PPM1L: variants seen among roughly 807,000 people sequenced by gnomAD.
PPM1L encodes the protein protein phosphatase 1L.
In PPM1L, 13 loss-of-function variants were observed where a neutral mutation model predicts 31.4. The observed-to-expected ratio is 0.41, with a 90% CI of 0.27 to 0.66. The LOEUF is 0.66. Ranked by LOEUF, PPM1L falls within the 30% of genes least tolerant of loss-of-function variation. The pLI, the probability that PPM1L is intolerant of heterozygous loss-of-function variation, is 0.29. For synonymous variants in PPM1L, 184 were observed against 175.4 expected, an observed-to-expected ratio of 1.05 and a Z score of -0.39; for missense variants, 326 against 453.7, an observed-to-expected ratio of 0.72 and a Z score of 2.56.
chr3:161,037,253 G>T (rs1264548910), intron 2 of PPM1L, among the ~76,000 whole-genome samples: 2 of 152,082 alleles, frequency 1.3e-5, no homozygotes, highest in Non-Finnish European at 2.9e-5. Context: ...TTGCTCCTTT[G>T]CTCTTTGTCT....
At chr3:161,032,346 G>T (rs1211694198) in intron 2 of PPM1L, among the ~76,000 whole-genome samples, 1 of 152,112 alleles carries the variant, frequency 6.6e-6, no homozygotes, top group East Asian at 1.9e-4. Context: ...GTATTACAAG[G>T]GCTGTCTTTA....
At chr3:160,837,663 A>G (rs1231397071) in intron 1 of PPM1L, among the ~76,000 whole-genome samples, 1 of 152,190 alleles carries the variant, frequency 6.6e-6, no homozygotes, top group Non-Finnish European at 1.5e-5. Context: ...AAGAAGGTAA[A>G]ACAGTCAGAA....
At chr3:160,983,238 G>T (rs77242754) in intron 2 of PPM1L, among the ~76,000 whole-genome samples, 1 of 152,310 alleles carries the variant, frequency 6.6e-6, no homozygotes, top group Non-Finnish European at 1.5e-5. Flanking sequence ...ATGCAAGAAG[G>T]TCTAGGGCTC....
At chr3:160,818,149 T>C (rs914432039) in intron 1 of PPM1L, among the ~76,000 whole-genome samples, 2 of 151,986 alleles carry the variant, frequency 1.3e-5, no homozygotes, top group African/African-American at 2.4e-5. Context: ...TGAAAAGATA[T>C]CAAAGTGAGC....
At chr3:160,882,853 A>C (rs192473682) in intron 1 of PPM1L, among the ~76,000 whole-genome samples, 1 of 152,354 alleles carries the variant, frequency 6.6e-6, no homozygotes, top group Admixed American at 6.5e-5. Flanking sequence ...ACTTTATCCT[A>C]TAAGAGACAG....
At chr3:160,823,615 C>G (rs977174524) in intron 1 of PPM1L, among the ~76,000 whole-genome samples, 1 of 151,894 alleles carries the variant, frequency 6.6e-6, no homozygotes, top group Non-Finnish European at 1.5e-5. Flanking sequence ...ATAGAAATGG[C>G]CAGAAATAAT....
At chr3:160,972,007 A>T (rs1057127849) in intron 2 of PPM1L, among the ~76,000 whole-genome samples, 3 of 152,068 alleles carry the variant, frequency 2.0e-5, no homozygotes, top group African/African-American at 7.2e-5. Flanking sequence ...GCCTCAAGTG[A>T]TCCTCCCACC....
chr3:160,852,920 C>G (rs539016084), intron 1 of PPM1L, among the ~76,000 whole-genome samples: 1 of 152,256 alleles, frequency 6.6e-6, no homozygotes, highest in East Asian at 1.9e-4. Flanking sequence ...TTATCGTAAA[C>G]TTGGTGGCTT....
At chr3:160,854,093 TTA>T (rs1711603111) in intron 1 of PPM1L, among the ~76,000 whole-genome samples, 1 of 152,118 alleles carries the variant, frequency 6.6e-6, no homozygotes, top group Admixed American at 6.5e-5. Context: ...TGGTACCCAG[TTA>T]TTTAGAGAGA....
chr3:160,786,157 C>CTGTGTGTGTG (rs1239014226), intron 1 of PPM1L, among the ~76,000 whole-genome samples: 31 of 69,184 alleles, frequency 4.5e-4, no homozygotes, highest in African/African-American at 5.8e-4. Context: ...CTCTCTCTCT[C>CTGTGTGTGTG]TGTGTGTGTG....
intron 1 of PPM1L, among the ~76,000 whole-genome samples, chr3:160,917,842 A>G (rs1012010532): frequency 2.0e-5 from 3 of 152,172 alleles, no homozygotes; most frequent in East Asian, 3.9e-4. Context: ...GTGATGGCCC[A>G]TGAGTTACAA....
At chr3:160,786,151 C>CTGTGTGTGTGTG (rs1318787874) in intron 1 of PPM1L, among the ~76,000 whole-genome samples, 100 of 85,648 alleles carry the variant, frequency 1.2e-3, no homozygotes, top group Non-Finnish European at 1.7e-3. Context: ...CTCTCTCTCT[C>CTGTGTGTGTGTG]TCTCTCTGTG....
intron 2 of PPM1L, among the ~76,000 whole-genome samples, chr3:161,007,532 A>G (rs917038638): frequency 6.6e-6 from 1 of 152,244 alleles, no homozygotes. Flanking sequence ...TTGGGTCATT[A>G]TATAGACCAA....
At chr3:161,019,298 A>G (rs1012015717) in intron 2 of PPM1L, among the ~76,000 whole-genome samples, 2 of 144,706 alleles carry the variant, frequency 1.4e-5, no homozygotes, top group African/African-American at 2.5e-5. Flanking sequence ...GGTTCAAGTG[A>G]TTCTCCCACC....
In PPM1L at chr3:161,030,262, C is replaced by T. The variant is rs756036126; in HGVS notation, c.575-35141C>T. ...TGAAAGAGGTTGAAAGGAGTGCCCT[C>T]GTGCCTTTTGCTCTTTTATGTCTTC... On this transcript the variant is annotated intron_variant, in intron 2 of 3. Coordinates refer to ENST00000498165, the MANE Select transcript of PPM1L (RefSeq NM_139245.4). Among the ~76,000 whole-genome samples the T allele has an allele frequency of 9.9e-5, 15 of 152,158 alleles. 1 individual carries two copies. The highest frequency in any genetic ancestry group is 2.1e-4 in the Non-Finnish European group (14 of 68,028).
At chr3:160,967,937 C>T (rs2108113608) in intron 2 of PPM1L, among the ~76,000 whole-genome samples, 1 of 152,192 alleles carries the variant, frequency 6.6e-6, no homozygotes, top group African/African-American at 2.4e-5. Context: ...GACAATGGAA[C>T]ACTCAAATAG....
chr3:160,928,764 T>C (rs1287169988), intron 1 of PPM1L, among the ~76,000 whole-genome samples: 1 of 152,110 alleles, frequency 6.6e-6, no homozygotes, highest in East Asian at 1.9e-4. Flanking sequence ...TCTCCTACCA[T>C]GCGAGGACAC....
At chr3:160,853,997 C>T (rs189552444) in intron 1 of PPM1L, among the ~76,000 whole-genome samples, 33 of 152,258 alleles carry the variant, frequency 2.2e-4, no homozygotes, top group African/African-American at 7.9e-4. Flanking sequence ...CCCCACACGT[C>T]GGTTGTAGAT....
intron 2 of PPM1L, chr3:161,022,425 A>G: frequency 3.1e-6 from 1 of 326,510 alleles, no homozygotes; most frequent in Non-Finnish European, 5.5e-6. Context: ...AACAAAATAT[A>G]ATTCTTTTTA....
Sources: gnomAD v4.1 joint callset for allele counts (sites outside exome capture counted in the v4.1 genomes callset) on GRCh38, gnomAD v4.1.1 for gene constraint, MANE v1.5 for transcripts, NCBI Gene and HGNC (gene_info 2026-07-23, HGNC 2026-07-21) for gene names.